PLPPR1: variants seen among roughly 807,000 people sequenced by gnomAD.
The protein encoded by PLPPR1 is phospholipid phosphatase related 1.
PLPPR1 carries 10 observed loss-of-function variants against 33.1 expected under a neutral mutation model. The observed-to-expected ratio is 0.30, with a 90% confidence interval of 0.19 to 0.51. The LOEUF is 0.51. PLPPR1 is among the 20% of genes least tolerant of loss of function. The pLI, the probability that PLPPR1 is intolerant of heterozygous loss-of-function variation, is 0.97. For missense variants in PLPPR1, 304 were observed against 408.1 expected (o/e 0.74, Z 2.20); for synonymous variants, 151 against 151.0 (o/e 1.00, Z 0.00).
chr9:101,235,928 GC>G (rs1827290654), intron 2 of PLPPR1, among the ~76,000 whole-genome samples: 1 of 151,802 alleles, frequency 6.6e-6, no homozygotes, highest in South Asian at 2.1e-4. Flanking sequence ...AAAGATGTCA[GC>G]AGAGCTTTAT....
chr9:101,292,114 A>G (rs916075467), intron 4 of PLPPR1, among the ~76,000 whole-genome samples: 2 of 152,248 alleles, frequency 1.3e-5, no homozygotes. Flanking sequence ...ATGGAGCTGC[A>G]AGCCAAGGCT....
At chr9:101,164,247 C>T (rs560286620) in intron 1 of PLPPR1, among the ~76,000 whole-genome samples, 1 of 152,270 alleles carries the variant, frequency 6.6e-6, no homozygotes, top group South Asian at 2.1e-4. Context: ...TCTGCTTAAA[C>T]TCTCTGTAAA....
chr9:101,307,559 A>T (rs950374675), intron 4 of PLPPR1, among the ~76,000 whole-genome samples: 2 of 152,214 alleles, frequency 1.3e-5, no homozygotes, highest in African/African-American at 4.8e-5. Flanking sequence ...AATGAGTATG[A>T]GCCAGCAGAA....
chr9:101,140,344 A>G (rs1056710706), intron 1 of PLPPR1, among the ~76,000 whole-genome samples: 22 of 152,220 alleles, frequency 1.4e-4, no homozygotes, highest in African/African-American at 4.3e-4. Context: ...TCTACTGTGT[A>G]CTAGACTCTG....
chr9:101,288,959 T>A (rs996410543), intron 4 of PLPPR1, among the ~76,000 whole-genome samples: 3 of 152,228 alleles, frequency 2.0e-5, no homozygotes, highest in Non-Finnish European at 1.5e-5. Flanking sequence ...AATTCTCTGC[T>A]TAAAACCTTT....
intron 1 of PLPPR1, among the ~76,000 whole-genome samples, chr9:101,155,479 C>A (rs375226689): frequency 6.6e-6 from 1 of 152,282 alleles, no homozygotes; most frequent in South Asian, 2.1e-4. Context: ...ACCAGGAACC[C>A]GCACCCGTGA....
Position 101,286,231 on chromosome 9 carries a change from T to C in PLPPR1, c.380T>C (p.Phe127Ser), listed in dbSNP as rs764865317. Residue 127 changes from phenylalanine to serine, a missense_variant, in exon 4 of 8, where the codon TTC (phenylalanine) becomes TCC (serine). Coordinates refer to ENST00000374874, the MANE Select transcript of PLPPR1 (RefSeq NM_207299.2). Reference protein sequence around the residue: ...LNPLLRRIIRFTGVFAFGLFA... With the variant: ...LNPLLRRIIRSTGVFAFGLFA... Reference sequence around the variant, plus strand: ...CCCTTACTTCGAAGGATCATAAGATTCACAGGTGAGTACAAGATGGTGCTG... The same window carrying C: ...CCCTTACTTCGAAGGATCATAAGATCCACAGGTGAGTACAAGATGGTGCTG... 6.2e-7 allele frequency: 1 copy of C among 1,613,676 alleles called. No individual in the cohort carries two copies. The highest frequency in any genetic ancestry group is 1.1e-5 in the South Asian group (1 of 91,026).
In PLPPR1 at chr9:101,175,542, A is replaced by ATATAAGT. The variant is rs1826006408; in HGVS notation, c.-45-9907_-45-9901dup. ...TTGGCGCCACCATTATTTCTTTTGC[A>ATATAAGT]TATAAGTGCCTATGATACATTGTTA... On this transcript the variant is annotated intron_variant, in intron 1 of 7. Transcript: ENST00000374874. Among the ~76,000 whole-genome samples, 4 of 152,154 alleles carry ATATAAGT rather than the reference A, an allele frequency of 2.6e-5. No homozygotes were observed. In the South Asian group the frequency reaches 8.3e-4, roughly 31 times the overall value.
At chr9:101,179,660 T>C (rs1459527917) in intron 1 of PLPPR1, among the ~76,000 whole-genome samples, 1 of 152,148 alleles carries the variant, frequency 6.6e-6, no homozygotes, top group Admixed American at 6.6e-5. Flanking sequence ...ATTTGAAGAT[T>C]ATGCATAATC....
At chr9:101,057,117 C>T (rs967364241) in intron 1 of PLPPR1, among the ~76,000 whole-genome samples, 2 of 152,148 alleles carry the variant, frequency 1.3e-5, no homozygotes, top group South Asian at 4.1e-4. Context: ...CTGTAAACCC[C>T]GTATGTCTGG....
At chr9:101,109,744 C>G (rs778618110) in intron 1 of PLPPR1, among the ~76,000 whole-genome samples, 9 of 152,044 alleles carry the variant, frequency 5.9e-5, no homozygotes, top group Non-Finnish European at 1.0e-4. Context: ...TGTTAGTATT[C>G]TTGGGTATAT....
chr9:101,323,900 T>G (rs1829202516), intron 7 of PLPPR1, 125 bp from the exon 8 acceptor site: 1 of 633,192 alleles, frequency 1.6e-6, no homozygotes, highest in East Asian at 2.9e-5. Context: ...GAAAAGCATA[T>G]TAGGGGGACG....
In PLPPR1 at chr9:101,306,949, G is replaced by A. The variant is rs17832208; in HGVS notation, c.386-2262G>A. 9.6e-3 allele frequency among the ~76,000 whole-genome samples: 1,468 copies of A among 152,334 alleles called. 6 individuals are homozygous for A. Among genetic ancestry groups the A allele is most frequent in the Non-Finnish European group, 0.015 (990 of 68,032 alleles). ...AGATGGCTTGAGTTCCTTTGGAAAA[G>A]CCCTGTATGATCTGACATGGTCTGT... On this transcript the variant is annotated intron_variant, in intron 4 of 7. Transcript: ENST00000374874.
At chr9:101,210,412 A>G (rs1232697519) in intron 2 of PLPPR1, among the ~76,000 whole-genome samples, 1 of 152,116 alleles carries the variant, frequency 6.6e-6, no homozygotes, top group Non-Finnish European at 1.5e-5. Flanking sequence ...TAAACAACAG[A>G]CTGGGAAGAC....
At chr9:101,266,341 A>T (rs974331565) in intron 2 of PLPPR1, among the ~76,000 whole-genome samples, 35 of 150,380 alleles carry the variant, frequency 2.3e-4, no homozygotes, top group African/African-American at 7.6e-4. Flanking sequence ...GGTTGCAGTG[A>T]GCCGAGATCC....
chr9:101,090,049 T>A (rs1830724002), intron 1 of PLPPR1, among the ~76,000 whole-genome samples: 1 of 152,196 alleles, frequency 6.6e-6, no homozygotes, highest in African/African-American at 2.4e-5. Flanking sequence ...TTTTCCAGCT[T>A]CTGGGAGCCC....
At chr9:101,153,436 A>T (rs1831624498) in intron 1 of PLPPR1, among the ~76,000 whole-genome samples, 1 of 152,170 alleles carries the variant, frequency 6.6e-6, no homozygotes. Context: ...TATGTTGAAT[A>T]GGAGTGGTGA....
intron 1 of PLPPR1, among the ~76,000 whole-genome samples, chr9:101,110,644 G>A (rs1470267987): frequency 2.0e-5 from 3 of 152,078 alleles, no homozygotes. Context: ...TGTCCTGATA[G>A]TGAATACTCT....
At chr9:101,293,808 G>A (rs1488542433) in intron 4 of PLPPR1, among the ~76,000 whole-genome samples, 3 of 152,088 alleles carry the variant, frequency 2.0e-5, no homozygotes, top group Non-Finnish European at 2.9e-5. Context: ...AAAGTAGTGT[G>A]TAGAGGGAAA....
Sources: allele counts gnomAD v4.1 joint callset (sites outside exome capture counted in the v4.1 genomes callset), GRCh38; gene constraint gnomAD v4.1.1; transcripts MANE v1.5; gene names NCBI Gene and HGNC (gene_info 2026-07-23, HGNC 2026-07-21).